PRTFDC1: variants seen among roughly 807,000 people sequenced by gnomAD.
PRTFDC1 encodes the protein phosphoribosyltransferase domain-containing protein 1.
Under a neutral mutation model 34.6 loss-of-function variants are expected in PRTFDC1, and 38 were observed. The observed-to-expected ratio is 1.10, with a 90% CI of 0.85 to 1.44. PRTFDC1 has a LOEUF of 1.44. Among genes scored for constraint, PRTFDC1 ranks in the 40% most tolerant of loss-of-function variants. The pLI is 0.00. For missense variants in PRTFDC1, 270 were observed against 283.0 expected, an observed-to-expected ratio of 0.95 and a Z score of 0.33; for synonymous variants, 93 against 98.1, an observed-to-expected ratio of 0.95 and a Z score of 0.31.
intron 5 of PRTFDC1, 127 bp downstream of exon 5, chr10:24,858,265 T>A: frequency 2.1e-6 from 2 of 947,352 alleles, no homozygotes; most frequent in Non-Finnish European, 3.3e-6. Context: ...ATTCATTAAA[T>A]TTGGAGAGCA....
intron 8 of PRTFDC1, among the ~76,000 whole-genome samples, chr10:24,850,285 A>C (rs1447266417): frequency 6.6e-6 from 1 of 152,208 alleles, no homozygotes; most frequent in Non-Finnish European, 1.5e-5. Flanking sequence ...GCAAAGGGTT[A>C]GGAATATTTT....
At chr10:24,923,387 C>A (rs918031619) in intron 3 of PRTFDC1, among the ~76,000 whole-genome samples, 1 of 152,330 alleles carries the variant, frequency 6.6e-6, no homozygotes, top group East Asian at 1.9e-4. Context: ...CTGGGAGACA[C>A]TCCCAAAAGG....
chr10:24,927,799 C>T (rs1329637616), intron 3 of PRTFDC1, among the ~76,000 whole-genome samples: 1 of 152,062 alleles, frequency 6.6e-6, no homozygotes, highest in Non-Finnish European at 1.5e-5. Context: ...CCAGAATGGA[C>T]TCTATCTCTT....
In PRTFDC1 at chr10:24,941,947, G is replaced by A. The variant is rs184207743; in HGVS notation, c.155+383C>T. ...AATATGCTAATGTTTGTTTTGATTTGTCAACTGAGAGACAAAAATATGGAA... is the reference window on the plus strand; with the variant it reads ...AATATGCTAATGTTTGTTTTGATTTATCAACTGAGAGACAAAAATATGGAA... On this transcript the variant is annotated intron_variant, in intron 2 of 8. Transcript: ENST00000320152. Among the ~76,000 whole-genome samples, 384 of 152,178 alleles carry A rather than the reference G, an allele frequency of 2.5e-3. 1 individual carries two copies. The highest frequency in any genetic ancestry group is 9.0e-3 in the African/African-American group (372 of 41,512).
At chr10:24,899,150 G>C (rs1258057755) in intron 3 of PRTFDC1, among the ~76,000 whole-genome samples, 1 of 152,148 alleles carries the variant, frequency 6.6e-6, no homozygotes, top group African/African-American at 2.4e-5. Flanking sequence ...GTGACCAAGG[G>C]GCCATGTGGA....
intron 3 of PRTFDC1, among the ~76,000 whole-genome samples, chr10:24,933,194 A>G (rs942940484): frequency 1.3e-5 from 2 of 151,996 alleles, no homozygotes; most frequent in African/African-American, 4.8e-5. Context: ...AATCTTTGTG[A>G]TCTTGGGTTA....
At chr10:24,895,201 T>G (rs949375682) in intron 3 of PRTFDC1, among the ~76,000 whole-genome samples, 3 of 152,034 alleles carry the variant, frequency 2.0e-5, no homozygotes, top group African/African-American at 4.8e-5. Context: ...TGCAAAACAT[T>G]CTATTTTTAT....
In PRTFDC1 at chr10:24,943,559, T is replaced by C. The variant is rs113632304; in HGVS notation, c.49-1123A>G. Among the ~76,000 whole-genome samples, 151 of 147,332 alleles carry C rather than the reference T, an allele frequency of 1.0e-3. 1 individual carries two copies. The highest frequency in any genetic ancestry group is 2.5e-3 in the African/African-American group (95 of 38,042). On this transcript the variant is annotated intron_variant, in intron 1 of 8. Transcript: ENST00000320152. ...GTTTCCCATTCTTTTTTTTTTTTTTTTCTCTCTCTGAGACAGGGTCCCGCA... is the reference window on the plus strand; with the variant it reads ...GTTTCCCATTCTTTTTTTTTTTTTTCTCTCTCTCTGAGACAGGGTCCCGCA...
At chr10:24,854,352 T>A (rs958132723) in intron 7 of PRTFDC1, among the ~76,000 whole-genome samples, 3 of 152,208 alleles carry the variant, frequency 2.0e-5, no homozygotes, top group Non-Finnish European at 4.4e-5. Flanking sequence ...TGCCCAGAAC[T>A]GACATGGTCC....
chr10:24,893,286 CTCTT>C (rs1848296471), intron 3 of PRTFDC1, among the ~76,000 whole-genome samples: 2 of 152,108 alleles, frequency 1.3e-5, no homozygotes, highest in African/African-American at 2.4e-5. Flanking sequence ...CTCTCTCTCT[CTCTT>C]TCTCTCTTTC....
chr10:24,950,687 G>A (rs1278746417), intron 1 of PRTFDC1, among the ~76,000 whole-genome samples: 1 of 151,108 alleles, frequency 6.6e-6, no homozygotes, highest in East Asian at 2.0e-4. Flanking sequence ...CCACCATGCT[G>A]CCTGCCCTCC....
At chr10:24,865,432 T>C (rs998786125) in intron 4 of PRTFDC1, among the ~76,000 whole-genome samples, 2 of 152,218 alleles carry the variant, frequency 1.3e-5, no homozygotes, top group African/African-American at 4.8e-5. Context: ...CTGATAACTC[T>C]GATCACTGCA....
intron 2 of PRTFDC1, 47 bp downstream of exon 2, chr10:24,942,283 G>A: frequency 6.9e-7 from 1 of 1,454,480 alleles, no homozygotes; most frequent in Non-Finnish European, 9.7e-7. Flanking sequence ...CACAAGTGTG[G>A]GCCGGCCCAG....
rs186748176 is a variant in PRTFDC1, at chr10:24,892,810, T to C, written c.340-20747A>G. 6.7e-3 allele frequency among the ~76,000 whole-genome samples: 1,015 copies of C among 152,286 alleles called. 6 individuals carry two copies. Among genetic ancestry groups the C allele is most frequent in the Non-Finnish European group, 0.011 (729 of 68,010 alleles). ...AACTGGCATTTTAGATTCTTATTTC[T>C]GGGGCATTAAAGACCTAAAAGCCAG... On this transcript the variant is annotated intron_variant, in intron 3 of 8. Coordinates refer to ENST00000320152, the MANE Select transcript of PRTFDC1 (RefSeq NM_020200.7).
At chr10:24,884,574 G>A (rs1848132667) in intron 3 of PRTFDC1, among the ~76,000 whole-genome samples, 1 of 152,180 alleles carries the variant, frequency 6.6e-6, no homozygotes. Context: ...AAAACACTAA[G>A]ACATTTATTG....
intron 3 of PRTFDC1, among the ~76,000 whole-genome samples, chr10:24,894,727 C>T (rs1848320756): frequency 6.6e-6 from 1 of 152,206 alleles, no homozygotes; most frequent in African/African-American, 2.4e-5. Flanking sequence ...GAAAACCACC[C>T]TCCTCCTGGG....
chr10:24,860,765 A>G (rs954704298), intron 4 of PRTFDC1, among the ~76,000 whole-genome samples: 4 of 152,126 alleles, frequency 2.6e-5, no homozygotes, highest in African/African-American at 7.2e-5. Context: ...TCCTCTTGGT[A>G]TTTTCAACAA....
At chr10:24,929,061 A>AC (rs1848931202) in intron 3 of PRTFDC1, among the ~76,000 whole-genome samples, 1 of 130,788 alleles carries the variant, frequency 7.6e-6, no homozygotes, top group Non-Finnish European at 1.6e-5. Context: ...AAAAAGAAAG[A>AC]AAGAAAGAAA....
chr10:24,936,385 C>T (rs1396321126), intron 3 of PRTFDC1, among the ~76,000 whole-genome samples: 4 of 151,790 alleles, frequency 2.6e-5, no homozygotes, highest in African/African-American at 9.7e-5. Flanking sequence ...CTCAAACAAT[C>T]CTCCCACTTC....
Sources: gnomAD v4.1 joint callset for allele counts (sites outside exome capture counted in the v4.1 genomes callset) on GRCh38, gnomAD v4.1.1 for gene constraint, MANE v1.5 for transcripts, NCBI Gene and HGNC (gene_info 2026-07-23, HGNC 2026-07-21) for gene names.